NDST4: variants seen among roughly 807,000 people sequenced by gnomAD.
NDST4 encodes the protein N-deacetylase and N-sulfotransferase 4.
Under a neutral mutation model 100.8 loss-of-function variants are expected in NDST4, and 63 were observed. The ratio of observed to expected loss-of-function variants is 0.62; its 90% CI spans 0.51 to 0.77. The LOEUF (loss-of-function observed/expected upper bound fraction) is 0.77, where lower values mean the gene tolerates loss of function less well. Ranked by LOEUF, NDST4 falls within the 30% of genes least tolerant of loss-of-function variation. The probability of loss-of-function intolerance (pLI) is 0.00; values close to 1 mark genes in which losing one functional copy is unlikely to be tolerated. For synonymous variants in NDST4, 377 were observed against 361.8 expected, an observed-to-expected ratio of 1.04 and a Z score of -0.48; for missense variants, 943 against 1,018.4, an observed-to-expected ratio of 0.93 and a Z score of 1.01.
intron 2 of NDST4, among the ~76,000 whole-genome samples, chr4:115,057,386 T>G: frequency 1.4e-5 from 2 of 146,796 alleles, no homozygotes; most frequent in African/African-American, 2.5e-5. Flanking sequence ...AGAAAGAGAG[T>G]GATGAAAAGG....
chr4:115,036,089 G>A (rs944542431), intron 2 of NDST4, among the ~76,000 whole-genome samples: 7 of 151,732 alleles, frequency 4.6e-5, no homozygotes, highest in Admixed American at 2.0e-4. Context: ...AAGCATACTT[G>A]TTTTAATAGG....
rs747500788 is a variant in NDST4 at position 115,076,570 on chromosome 4, T to G, written c.467A>C (p.Glu156Ala). Residue 156 changes from glutamate to alanine, a missense_variant, in exon 2 of 14, where the codon GAA (glutamate) becomes GCA (alanine). Coordinates refer to ENST00000264363, the MANE Select transcript of NDST4 (RefSeq NM_022569.3). Reference sequence around the variant, plus strand: ...AAAACCGATTATACTAACACTGTATTCCACACAGTATTTTTCTAAAAGCTC... The same window carrying G: ...AAAACCGATTATACTAACACTGTATGCCACACAGTATTTTTCTAAAAGCTC... ...NRELLEKYCV[E>A]YSVSIIGFHK... 6.2e-7 allele frequency: 1 copy of G among 1,613,840 alleles called. No homozygotes were observed.
At chr4:115,020,565 T>G (rs989217641) in intron 2 of NDST4, among the ~76,000 whole-genome samples, 3 of 152,048 alleles carry the variant, frequency 2.0e-5, no homozygotes. Context: ...GGGGCTTAAT[T>G]AAACTAAAGA....
At chr4:115,075,030 G>T (rs1431094022) in intron 2 of NDST4, among the ~76,000 whole-genome samples, 1 of 152,136 alleles carries the variant, frequency 6.6e-6, no homozygotes, top group Non-Finnish European at 1.5e-5. Context: ...CTAATCTAGT[G>T]TAACATATTG....
intron 2 of NDST4, among the ~76,000 whole-genome samples, chr4:114,993,855 C>T (rs997000116): frequency 2.6e-5 from 4 of 151,906 alleles, no homozygotes; most frequent in African/African-American, 9.7e-5. Flanking sequence ...ATTCATGATT[C>T]ATAAGTGATC....
At chr4:115,038,093 T>A (rs563043617) in intron 2 of NDST4, among the ~76,000 whole-genome samples, 1 of 152,180 alleles carries the variant, frequency 6.6e-6, no homozygotes. Context: ...TGCTGACATA[T>A]AACACCTGTT....
intron 1 of NDST4, among the ~76,000 whole-genome samples, chr4:115,112,814 A>G (rs1729981266): frequency 1.3e-5 from 2 of 151,924 alleles, no homozygotes; most frequent in Admixed American, 1.3e-4. Context: ...AACTATGCTT[A>G]GGGCATATGA....
chr4:114,913,061 T>C (rs995973394), intron 6 of NDST4, among the ~76,000 whole-genome samples: 1 of 152,050 alleles, frequency 6.6e-6, no homozygotes, highest in Non-Finnish European at 1.5e-5. Context: ...TGAGCATTGA[T>C]AAATTATTGA....
intron 2 of NDST4, among the ~76,000 whole-genome samples, chr4:115,016,581 T>C (rs1480473504): frequency 2.0e-5 from 3 of 152,106 alleles, no homozygotes; most frequent in Non-Finnish European, 2.9e-5. Context: ...CTAATGCCTC[T>C]GATTTAACAG....
intron 1 of NDST4, among the ~76,000 whole-genome samples, chr4:115,084,796 G>A (rs1729375269): frequency 6.6e-6 from 1 of 152,168 alleles, no homozygotes; most frequent in African/African-American, 2.4e-5. Flanking sequence ...GGATGTCCAG[G>A]CAAAAGTTTG....
intron 4 of NDST4, among the ~76,000 whole-genome samples, chr4:114,946,614 G>C (rs1192269983): frequency 6.6e-6 from 1 of 152,154 alleles, no homozygotes; most frequent in Non-Finnish European, 1.5e-5. Context: ...AGAATAGCAA[G>C]AATTCTATTG....
chr4:115,036,036 A>C (rs1262594823), intron 2 of NDST4, among the ~76,000 whole-genome samples: 1 of 152,020 alleles, frequency 6.6e-6, no homozygotes, highest in Non-Finnish European at 1.5e-5. Flanking sequence ...TTGGAAATAA[A>C]AATTCAAATG....
chr4:115,097,369 C>T (rs574031408), intron 1 of NDST4, among the ~76,000 whole-genome samples: 21 of 152,194 alleles, frequency 1.4e-4, no homozygotes, highest in African/African-American at 5.1e-4. Context: ...TTATTCTTCC[C>T]ACTGTTTCTC....
At chr4:115,109,945 A>G (rs1403229063) in intron 1 of NDST4, among the ~76,000 whole-genome samples, 1 of 151,952 alleles carries the variant, frequency 6.6e-6, no homozygotes, top group Non-Finnish European at 1.5e-5. Context: ...TGTTGGAATG[A>G]AGAGTAATTT....
chr4:115,100,935 T>C (rs1729718132), intron 1 of NDST4, among the ~76,000 whole-genome samples: 1 of 152,016 alleles, frequency 6.6e-6, no homozygotes, highest in African/African-American at 2.4e-5. Context: ...GATGGTTATG[T>C]TGTTTGTTAA....
chr4:114,966,638 T>C (rs952357616), intron 4 of NDST4, among the ~76,000 whole-genome samples: 1 of 152,070 alleles, frequency 6.6e-6, no homozygotes, highest in Non-Finnish European at 1.5e-5. Context: ...AATGTCAGAA[T>C]AGAACTTAAA....
chr4:115,015,161 C>G (rs565158902), intron 2 of NDST4, among the ~76,000 whole-genome samples: 46 of 152,220 alleles, frequency 3.0e-4, no homozygotes, highest in Middle Eastern at 3.4e-3. Context: ...ACACCAATTA[C>G]ACAGTTTTTG....
rs117892881 is a variant in NDST4, at chr4:114,831,918, T to C, written c.2396+1688A>G. 5.6e-4 allele frequency among the ~76,000 whole-genome samples: 86 copies of C among 152,350 alleles called. No homozygotes were observed. In the East Asian group the frequency reaches 0.016, roughly 29 times the overall value. ...GATGCAAAGCCTGCCTCAATATAAC[T>C]GTTAGGCAACTTTTAGTACATGAGT... On this transcript the variant is annotated intron_variant, in intron 12 of 13. Coordinates refer to ENST00000264363, the MANE Select transcript of NDST4 (RefSeq NM_022569.3).
intron 1 of NDST4, among the ~76,000 whole-genome samples, chr4:115,105,796 T>C (rs1376041908): frequency 1.3e-5 from 2 of 152,150 alleles, no homozygotes; most frequent in African/African-American, 4.8e-5. Context: ...GTACCTTTCG[T>C]AGCTTAGTCT....
Sources: gnomAD v4.1 joint callset for allele counts (sites outside exome capture counted in the v4.1 genomes callset) on GRCh38, gnomAD v4.1.1 for gene constraint, MANE v1.5 for transcripts, NCBI Gene and HGNC (gene_info 2026-07-23, HGNC 2026-07-21) for gene names.